CEP250: variants seen among roughly 807,000 people sequenced by gnomAD.
CEP250 encodes the protein centrosome-associated protein CEP250.
A neutral mutation model predicts 315.7 loss-of-function variants in CEP250; 242 were observed. That is an observed-to-expected ratio of 0.77 (90% CI 0.69 to 0.85). The LOEUF (loss-of-function observed/expected upper bound fraction) is 0.85. Among genes scored for constraint, CEP250 ranks in the 40% least tolerant of loss-of-function variants. The pLI is 0.00. For missense variants in CEP250, 2,515 were observed against 2,886.4 expected (o/e 0.87, Z 2.95); for synonymous variants, 1,088 against 1,175.0 (o/e 0.93, Z 1.51).
chr20:35,480,187 G>A (rs753915193), intron 20 of CEP250, 42 bp downstream of exon 20: 2 of 1,558,690 alleles, frequency 1.3e-6, no homozygotes, highest in Non-Finnish European at 1.7e-6. Context: ...CCTTCCATGA[G>A]TGCTCTACCT....
At chr20:35,479,545 C>G (rs1378358538) in intron 18 of CEP250, 101 bp from the exon 19 acceptor site, 6 of 1,549,830 alleles carry the variant, frequency 3.9e-6, no homozygotes, top group Non-Finnish European at 5.2e-6. Context: ...TAATTGCCCC[C>G]CTAACTTCTC....
Position 35,494,636 on chromosome 20 carries a change from A to G in CEP250, c.3146A>G (p.Glu1049Gly), listed in dbSNP as rs762010915. ...CAGGAGTATAACCGAATTCAGAAGG[A>G]GCTGGAGAGAGAGAAAGCCAGGTAG... ...ETQEYNRIQKELEREKASLTL... is the reference protein window; with the variant it reads ...ETQEYNRIQKGLEREKASLTL... Residue 1049 changes from glutamate (E) to glycine (G), a missense_variant, in exon 24 of 35, where the codon GAG becomes GGG. Coordinates refer to ENST00000397527, the MANE Select transcript of CEP250 (RefSeq NM_007186.6). 1 of 1,614,094 alleles carries G rather than the reference A, an allele frequency of 6.2e-7. No homozygotes were observed. Among genetic ancestry groups the G allele is most frequent in the South Asian group, 1.1e-5 (1 of 91,082 alleles).
At chr20:35,477,696 C>T (rs1337168519) in intron 16 of CEP250, 175 bp from the exon 17 acceptor site, 3 of 613,162 alleles carry the variant, frequency 4.9e-6, no homozygotes, top group Non-Finnish European at 8.7e-6. Flanking sequence ...CCATCTAGTA[C>T]CTGGAATATA....
At position 35,465,786 on chromosome 20, in the gene CEP250, T is replaced by C. The variant is rs1038001642; in HGVS notation, c.287T>C (p.Leu96Pro). 37 of 1,610,118 alleles carry C rather than the reference T, an allele frequency of 2.3e-5. No homozygotes were observed. The highest frequency in any genetic ancestry group is 3.1e-5 in the Non-Finnish European group (37 of 1,178,678). The part of the protein sequence containing the change: ...QRWENVEEPN[L>P]DELLVRLEEE... ...TGGGAAAATGTGGAGGAGCCAAACCTGGATGAGCTGCTGGTCCGATTGGAG... is the reference window on the plus strand; with the variant it reads ...TGGGAAAATGTGGAGGAGCCAAACCCGGATGAGCTGCTGGTCCGATTGGAG... The change falls in exon 6 of 35, where the codon CTG becomes CCG. Residue 96 changes from leucine (L) to proline (P), a missense_variant. Transcript: ENST00000397527.
chr20:35,508,556 G>A (rs11696589), intron 32 of CEP250, among the ~76,000 whole-genome samples: 27,675 of 152,096 alleles, frequency 0.18, 2,631 homozygotes, highest in South Asian at 0.29. Context: ...CTTGTGATCC[G>A]CCTGCCTCAG....
chr20:35,480,210 T>G, intron 20 of CEP250, 65 bp downstream of exon 20: 1 of 1,482,106 alleles, frequency 6.7e-7, no homozygotes, highest in Non-Finnish European at 9.1e-7. Flanking sequence ...TGCCTCTTGG[T>G]CCAGTTATTG....
chr20:35,501,718 T>G (rs2064008811), intron 28 of CEP250, 127 bp from the exon 29 acceptor site: 1 of 1,057,598 alleles, frequency 9.5e-7, no homozygotes, highest in Non-Finnish European at 1.3e-6. Context: ...TGGATATAAT[T>G]TTCTCCTTCT....
chr20:35,518,071 TA>T lies in CEP250; in HGVS notation c.*6450del, dbSNP rs1194136618. 4 of 147,152 alleles carry T rather than the reference TA, an allele frequency of 2.7e-5. No individual in the cohort carries two copies. The highest frequency in any genetic ancestry group is 6.0e-5 in the Non-Finnish European group (4 of 66,804). The allele number at this position is 147,152 out of a possible 1,614,324, so 9.1% of individuals were successfully genotyped here. A position where few individuals can be genotyped will look rare whatever the true frequency, so the allele number is the denominator to read the frequency against. ...AAAAAAAAAAAAAAAGGAAATTAAA[TA>T]AAAAGAAGATAGCAGTTTCCCACCT... On this transcript the variant is annotated 3_prime_UTR_variant, in exon 35 of 35. Transcript: ENST00000397527.
chr20:35,511,799 A>G lies in CEP250; in HGVS notation c.*173A>G. The G allele has an allele frequency of 1.4e-6, 2 of 1,412,538 alleles. No homozygotes were observed. Among genetic ancestry groups the G allele is most frequent in the Non-Finnish European group, 9.2e-7 (1 of 1,087,386 alleles). The allele number at this position is 1,412,538 out of a possible 1,614,324, so 87.5% of individuals were successfully genotyped here. A position where few individuals can be genotyped will look rare whatever the true frequency, so the allele number is the denominator to read the frequency against. On this transcript the variant is annotated 3_prime_UTR_variant, in exon 35 of 35. Coordinates refer to ENST00000397527, the MANE Select transcript of CEP250 (RefSeq NM_007186.6). Reference sequence around the variant, plus strand: ...ATCTGCAACCCTGGGGAGGACCCCAACTCACCTGGGAATGAGGCAAATTGC... The same window carrying G: ...ATCTGCAACCCTGGGGAGGACCCCAGCTCACCTGGGAATGAGGCAAATTGC...
At chr20:35,461,770 A>G (rs1420185185) in intron 3 of CEP250, among the ~76,000 whole-genome samples, 2 of 152,198 alleles carry the variant, frequency 1.3e-5, no homozygotes, top group African/African-American at 4.8e-5. Context: ...TTTTTGTAAA[A>G]ACAAAATGAC....
intron 32 of CEP250, 78 bp from the exon 33 acceptor site, chr20:35,508,865 G>T: frequency 1.7e-6 from 2 of 1,194,996 alleles, no homozygotes; most frequent in African/African-American, 1.5e-5. Context: ...ACAGGCACTG[G>T]CCACCTCTGG....
At chr20:35,494,103 G>A (rs2063770562) in intron 23 of CEP250, among the ~76,000 whole-genome samples, 1 of 152,104 alleles carries the variant, frequency 6.6e-6, no homozygotes, top group African/African-American at 2.4e-5. Context: ...AGCCCCCTGA[G>A]TAGCTGGGAC....
chr20:35,455,478 G>T (rs2062596222), upstream of CEP250: 1 of 152,282 alleles, frequency 6.6e-6, no homozygotes, highest in Non-Finnish European at 1.5e-5. Context: ...AGAGCTTCCC[G>T]ACCCTCGTGT....
rs764334921 is a variant in CEP250, at chr20:35,494,631, G to A, written c.3141G>A (p.Gln1047=). The A allele has an allele frequency of 1.9e-6, 3 of 1,614,136 alleles. No homozygotes were observed. The South Asian group carries it at 3.3e-5, about 18-fold the overall frequency. The stretch of plus-strand genomic sequence containing the variant: ...AGACCCAGGAGTATAACCGAATTCA[G>A]AAGGAGCTGGAGAGAGAGAAAGCCA... ...LRETQEYNRI[Q]KELEREKASL... Residue 1047 remains glutamine (Q), a synonymous_variant, in exon 24 of 35, where the codon CAG becomes CAA. Transcript: ENST00000397527.
At chr20:35,460,335 G>A (rs898951543) in intron 3 of CEP250, among the ~76,000 whole-genome samples, 1 of 152,216 alleles carries the variant, frequency 6.6e-6, no homozygotes, top group African/African-American at 2.4e-5. Flanking sequence ...ATGTAAATTA[G>A]TAAGCCGAGT....
chr20:35,456,147 G>T (rs1275610567), intron 1 of CEP250, among the ~76,000 whole-genome samples: 1 of 152,116 alleles, frequency 6.6e-6, no homozygotes, highest in East Asian at 1.9e-4. Flanking sequence ...CGCCCGCTTC[G>T]GCCTCCCAAA....
intron 14 of CEP250, among the ~76,000 whole-genome samples, chr20:35,475,099 GAT>G (rs2063133199): frequency 6.6e-6 from 1 of 152,176 alleles, no homozygotes; most frequent in Non-Finnish European, 1.5e-5. Context: ...GGCAAGGTGA[GAT>G]GGGAGGATCA....
At chr20:35,497,529 G>A (rs1601274651) in intron 25 of CEP250, among the ~76,000 whole-genome samples, 190 bp from the exon 26 acceptor site, 1 of 152,036 alleles carries the variant, frequency 6.6e-6, no homozygotes, top group Middle Eastern at 3.4e-3. Context: ...TTCAGTAGTC[G>A]GCAGGCAGCC....
In CEP250 at chr20:35,514,097, C is replaced by T. The variant is rs552894793; in HGVS notation, c.*2471C>T. ...CTGCTGTTTTCATCAGCTCCAGACC[C>T]AAAGAGACCTGAAGTGGGGAAGTGT... On this transcript the variant is annotated 3_prime_UTR_variant, in exon 35 of 35. Transcript: ENST00000397527. 6.6e-6 allele frequency: 1 copy of T among 152,418 alleles called. No individual in the cohort carries two copies. The highest frequency in any genetic ancestry group is 2.4e-5 in the African/African-American group (1 of 41,588). The allele number at this position is 152,418 out of a possible 1,614,324, so 9.4% of individuals were successfully genotyped here. A position where few individuals can be genotyped will look rare whatever the true frequency, so the allele number is the denominator to read the frequency against.
Sources: gnomAD v4.1 joint callset for allele counts (sites outside exome capture counted in the v4.1 genomes callset) on GRCh38, gnomAD v4.1.1 for gene constraint, MANE v1.5 for transcripts, NCBI Gene and HGNC (gene_info 2026-07-23, HGNC 2026-07-21) for gene names.